DCUN1D2: variants seen among roughly 807,000 people sequenced by gnomAD.
DCUN1D2 encodes DCN1-like protein 2.
DCUN1D2 carries 29 observed loss-of-function variants against 30.9 expected under a neutral mutation model. That is an observed-to-expected ratio of 0.94 (90% confidence interval 0.70 to 1.28). The LOEUF (loss-of-function observed/expected upper bound fraction) is 1.28. DCUN1D2 is among the 50% of genes most tolerant of loss of function. The probability of loss-of-function intolerance (pLI) is 0.00; values close to 1 mark genes in which losing one functional copy is unlikely to be tolerated. For synonymous variants in DCUN1D2, 121 were observed against 115.3 expected, an observed-to-expected ratio of 1.05 and a Z score of -0.32; for missense variants, 325 against 316.9, an observed-to-expected ratio of 1.03 and a Z score of -0.19.
In DCUN1D2 at chr13:113,480,609, T is replaced by C; in HGVS notation, c.355A>G (p.Arg119Gly). ...FRAATQCEFS[R>G]KEFLDGMTEL... ...GTCATGCCATCTAGAAATTCCTTTC[T>C]GCTAAATTCACACTGAGTTGCTGCC... is the stretch of plus-strand genomic sequence containing the variant. The change falls in exon 3 of 7, where the codon AGA becomes GGA. Residue 119 changes from arginine (R) to glycine (G), a missense_variant. By Grantham distance (125) the Arg-to-Gly change is moderately radical. Transcript: ENST00000478244. 1 of 1,614,154 alleles carries C rather than the reference T, an allele frequency of 6.2e-7. No homozygotes were observed. The highest frequency in any genetic ancestry group is 8.5e-7 in the Non-Finnish European group (1 of 1,180,020).
intron 6 of DCUN1D2, among the ~76,000 whole-genome samples, chr13:113,458,424 C>A (rs1244599840): frequency 1.3e-5 from 2 of 152,200 alleles, no homozygotes; most frequent in African/African-American, 4.8e-5. Context: ...CCCCGCGGAG[C>A]AGGAGGCATG....
At chr13:113,474,003 T>TCCAAAAAACCAAACCAAAAC in intron 4 of DCUN1D2, 121 bp downstream of exon 4, 2 of 1,270,634 alleles carry the variant, frequency 1.6e-6, no homozygotes, top group South Asian at 2.8e-5. Flanking sequence ...AGACCGTATC[T>TCCAAAAAACCAAACCAAAAC]CCAAAAAACC....
rs2044947091 is a variant in DCUN1D2 at position 113,490,602 on chromosome 13, C to T, written c.3+65G>A. ...CCTCCCACATCCAGCGCGCCGCCTGCGCCGACCTTGGGGCCCGACCCCGAC... is the reference window on the plus strand; with the variant it reads ...CCTCCCACATCCAGCGCGCCGCCTGTGCCGACCTTGGGGCCCGACCCCGAC... On this transcript the variant is annotated intron_variant, in intron 1 of 6. Transcript: ENST00000478244. This position sits in a 1 kb window ranked among gnomAD's most constrained non-coding sequence, Gnocchi z 5.2. 1.7e-6 allele frequency: 2 copies of T among 1,209,746 alleles called. No individual in the cohort carries two copies. Among genetic ancestry groups the T allele is most frequent in the Middle Eastern group, 6.6e-4 (2 of 3,048 alleles). The allele number at this position is 1,209,746 out of a possible 1,614,324, so 74.9% of individuals were successfully genotyped here.
chr13:113,461,030 A>C (rs1446837346), intron 5 of DCUN1D2, 24 bp downstream of exon 5: 1 of 1,518,710 alleles, frequency 6.6e-7, no homozygotes, highest in South Asian at 1.1e-5. Flanking sequence ...GTGGGCACAC[A>C]GCGAGATGCA....
chr13:113,468,589 G>A (rs983242453), intron 4 of DCUN1D2, among the ~76,000 whole-genome samples: 1 of 152,144 alleles, frequency 6.6e-6, no homozygotes, highest in African/African-American at 2.4e-5. Flanking sequence ...TGGTTTAAAC[G>A]CGAGACGTGC....
intron 4 of DCUN1D2, among the ~76,000 whole-genome samples, chr13:113,471,336 C>T (rs571806882): frequency 6.6e-4 from 99 of 150,284 alleles, no homozygotes; most frequent in African/African-American, 2.2e-3. Context: ...GGGGACCCAA[C>T]TCCATAGAAG....
chr13:113,490,897 T>G, upstream of DCUN1D2: 1 of 254,910 alleles, frequency 3.9e-6, no homozygotes, highest in Non-Finnish European at 7.1e-6. The surrounding 1 kb of genome is among the most constrained non-coding windows in gnomAD (Gnocchi z 5.2). Context: ...GGCTCGCCCC[T>G]GCGGGGTCCA....
rs917489756 is a variant in DCUN1D2 at position 113,456,215 on chromosome 13, C to T, written c.*1814G>A. On this transcript the variant is annotated 3_prime_UTR_variant, in exon 7 of 7. Transcript: ENST00000478244. ...TCCCATTAGAGTTCTGGAAGCAGAG[C>T]CTGGGGAAGGTCTGTCACTTGCCCA... The T allele has an allele frequency of 2.0e-5, 8 of 398,550 alleles. No homozygotes were observed. The highest frequency in any genetic ancestry group is 3.5e-5 in the Non-Finnish European group (8 of 226,112). The allele number at this position is 398,550 out of a possible 1,614,324, so 24.7% of individuals were successfully genotyped here. A position where few individuals can be genotyped will look rare whatever the true frequency, so the allele number is the denominator to read the frequency against.
chr13:113,472,131 T>C (rs989452154), intron 4 of DCUN1D2, among the ~76,000 whole-genome samples: 4 of 152,028 alleles, frequency 2.6e-5, no homozygotes, highest in Admixed American at 1.3e-4. Context: ...CGTGTGGGAT[T>C]GGGCTAACAC....
At chr13:113,463,839 C>T (rs1002478256) in intron 4 of DCUN1D2, among the ~76,000 whole-genome samples, 3 of 152,026 alleles carry the variant, frequency 2.0e-5, no homozygotes, top group African/African-American at 7.3e-5. Context: ...GACACAGACA[C>T]AAAGGAAATA....
intron 6 of DCUN1D2, among the ~76,000 whole-genome samples, chr13:113,458,659 G>A (rs925677328): frequency 2.0e-5 from 3 of 152,234 alleles, no homozygotes; most frequent in Non-Finnish European, 4.4e-5. Flanking sequence ...TCTAGGGACG[G>A]TGCAAAGTGT....
intron 2 of DCUN1D2, among the ~76,000 whole-genome samples, chr13:113,481,865 CAAAA>C (rs60598722): frequency 7.1e-5 from 8 of 112,002 alleles, no homozygotes; most frequent in African/African-American, 9.1e-5. Context: ...GCCTGGGTGA[CAAAA>C]AAAAAAAAAA....
rs551967831 is a variant in DCUN1D2, at chr13:113,472,775, C to T, written c.520+1349G>A. On this transcript the variant is annotated intron_variant, in intron 4 of 6. Coordinates refer to ENST00000478244, the MANE Select transcript of DCUN1D2 (RefSeq NM_001014283.2). ...GTCCCTAGGTGCCGCATGCGGCAGG[C>T]TCCTGAGCCAAGACGCAGCAGACAC... is the stretch of plus-strand genomic sequence containing the variant. Among the ~76,000 whole-genome samples the T allele has an allele frequency of 2.0e-5, 3 of 152,338 alleles. No individual in the cohort carries two copies. In the East Asian group the frequency reaches 5.8e-4, roughly 29 times the overall value.
intron 1 of DCUN1D2, among the ~76,000 whole-genome samples, chr13:113,487,577 T>C (rs1041091417): frequency 3.9e-5 from 6 of 152,102 alleles, no homozygotes; most frequent in South Asian, 2.1e-4. Context: ...GCACAGTGCA[T>C]GAGTCCAGCC....
At chr13:113,461,686 G>A (rs1048654794) in intron 4 of DCUN1D2, among the ~76,000 whole-genome samples, 8 of 151,898 alleles carry the variant, frequency 5.3e-5, no homozygotes, top group Non-Finnish European at 7.4e-5. Context: ...CAGGGAAAGC[G>A]TTCTCACTGA....
Position 113,483,900 on chromosome 13 carries a change from CCCTGTGGA to C in DCUN1D2, c.152_159del (p.Leu51ArgfsTer25). 1 of 1,613,850 alleles carries C rather than the reference CCCTGTGGA, an allele frequency of 6.2e-7. No individual in the cohort carries two copies. The highest frequency in any genetic ancestry group is 2.2e-5 in the East Asian group (1 of 44,890). The stretch of plus-strand genomic sequence containing the variant: ...TTGTCCACAGCGTTCCGCATGGACT[CCCTGTGGA>C]GCGAGTCTGGGTTTTGGAAGAAGCT... On this transcript the variant is annotated frameshift_variant, in exon 2 of 7. Coordinates refer to ENST00000478244, the MANE Select transcript of DCUN1D2 (RefSeq NM_001014283.2). LOFTEE classifies it high-confidence loss of function.
At chr13:113,482,102 T>C (rs1461008805) in intron 2 of DCUN1D2, among the ~76,000 whole-genome samples, 6 of 152,232 alleles carry the variant, frequency 3.9e-5, no homozygotes, top group Non-Finnish European at 7.3e-5. Context: ...GTAAATTTCA[T>C]TACAACCGTG....
At chr13:113,482,360 TG>T (rs2044725196) in intron 2 of DCUN1D2, among the ~76,000 whole-genome samples, 1 of 152,246 alleles carries the variant, frequency 6.6e-6, no homozygotes, top group Non-Finnish European at 1.5e-5. Flanking sequence ...CAAAGGCTGC[TG>T]TATATATTTA....
In DCUN1D2 at chr13:113,456,448, T is replaced by C. The variant is rs2044227371; in HGVS notation, c.*1581A>G. 5.0e-6 allele frequency: 2 copies of C among 398,646 alleles called. No homozygotes were observed. Among genetic ancestry groups the C allele is most frequent in the Admixed American group, 4.4e-5 (1 of 22,724 alleles). 24.7% of individuals were successfully genotyped at this position (398,646 alleles called of 1,614,324 possible). ...GTTCTCAGAAGCCAACCCAGCTGCT[T>C]GTCTGGGCCATGCTCTCTCACACCG... On this transcript the variant is annotated 3_prime_UTR_variant, in exon 7 of 7. Transcript: ENST00000478244.
Sources: gnomAD v4.1 joint callset for allele counts (sites outside exome capture counted in the v4.1 genomes callset) on GRCh38, gnomAD v4.1.1 for gene constraint, Gnocchi (gnomAD v3.1) non-coding constraint, MANE v1.5 for transcripts, NCBI Gene and HGNC (gene_info 2026-07-23, HGNC 2026-07-21) for gene names.